Variants in FHIT observed in about 807,000 individuals in gnomAD.
The protein encoded by FHIT is fragile histidine triad diadenosine triphosphatase.
A neutral mutation model predicts 17.9 loss-of-function variants in FHIT; 19 were observed. The observed-to-expected ratio is 1.06, with a 90% CI of 0.74 to 1.56. The LOEUF is 1.56. Among genes scored for constraint, FHIT ranks in the 40% most tolerant of loss-of-function variants. The probability of loss-of-function intolerance (pLI) is 0.00; values close to 1 mark genes in which losing one functional copy is unlikely to be tolerated. For synonymous variants in FHIT, 81 were observed against 69.7 expected, an observed-to-expected ratio of 1.16 and a Z score of -0.81; for missense variants, 248 against 189.2, an observed-to-expected ratio of 1.31 and a Z score of -1.82.
chr3:60,491,659 C>T (rs1327760474), intron 5 of FHIT, among the ~76,000 whole-genome samples: 1 of 152,152 alleles, frequency 6.6e-6, no homozygotes, highest in Non-Finnish European at 1.5e-5. Flanking sequence ...ACATCTACAG[C>T]TGGAGTGCTT....
intron 4 of FHIT, among the ~76,000 whole-genome samples, chr3:60,804,329 G>C (rs1467195740): frequency 6.6e-6 from 1 of 152,078 alleles, no homozygotes; most frequent in Non-Finnish European, 1.5e-5. Context: ...TTGAAACTCC[G>C]CATCTTGCAC....
intron 5 of FHIT, among the ~76,000 whole-genome samples, chr3:60,125,638 A>G (rs1052312457): frequency 6.7e-6 from 1 of 149,518 alleles, no homozygotes; most frequent in Non-Finnish European, 1.5e-5. Context: ...AAAAGTGTAT[A>G]TATACATATG....
At chr3:60,884,491 T>C (rs1370498073) in intron 3 of FHIT, among the ~76,000 whole-genome samples, 1 of 152,090 alleles carries the variant, frequency 6.6e-6, no homozygotes, top group Non-Finnish European at 1.5e-5. Flanking sequence ...GATGAAAAGA[T>C]AAAGAAAATG....
chr3:60,586,376 AAAC>A (rs1390723800), intron 4 of FHIT, among the ~76,000 whole-genome samples: 3 of 152,050 alleles, frequency 2.0e-5, no homozygotes, highest in African/African-American at 7.2e-5. Context: ...TTAGAGATAA[AAAC>A]AACAACAAAA....
chr3:60,172,079 C>T (rs373420647), intron 5 of FHIT, among the ~76,000 whole-genome samples: 2 of 152,080 alleles, frequency 1.3e-5, no homozygotes, highest in East Asian at 1.9e-4. Flanking sequence ...GTAGGGGAGA[C>T]AGGTATTATT....
chr3:61,027,049 T>G (rs948129943), intron 3 of FHIT, among the ~76,000 whole-genome samples: 13 of 152,048 alleles, frequency 8.5e-5, no homozygotes, highest in Non-Finnish European at 1.8e-4. Flanking sequence ...ATAAAAATAT[T>G]TTAAATAAAT....
In FHIT at chr3:59,871,502, A is replaced by G. The variant is rs148741155; in HGVS notation, c.348+50844T>C. Among the ~76,000 whole-genome samples, 405 of 152,108 alleles carry G rather than the reference A, an allele frequency of 2.7e-3. 3 individuals are homozygous for G. The highest frequency in any genetic ancestry group is 9.3e-3 in the African/African-American group (385 of 41,496). ...CCACCACCTCCACCCCATTTTTCAG[A>G]TGAGGATAATGGGGCTTAGAGTATT... On this transcript the variant is annotated intron_variant, in intron 8 of 9. Coordinates refer to ENST00000492590, the MANE Select transcript of FHIT (RefSeq NM_002012.4).
intron 5 of FHIT, among the ~76,000 whole-genome samples, chr3:60,042,934 G>C (rs139476491): frequency 1.3e-5 from 2 of 152,246 alleles, no homozygotes; most frequent in African/African-American, 4.8e-5. Context: ...CTGGCTGTTT[G>C]TTACCTTGAT....
intron 8 of FHIT, among the ~76,000 whole-genome samples, chr3:59,757,088 C>A (rs2106760739): frequency 6.6e-6 from 1 of 152,270 alleles, no homozygotes; most frequent in South Asian, 2.1e-4. Flanking sequence ...ACTCTGCTTG[C>A]TCTGAAAATG....
intron 8 of FHIT, among the ~76,000 whole-genome samples, chr3:59,919,759 G>C (rs1705312748): frequency 6.6e-6 from 1 of 152,274 alleles, no homozygotes; most frequent in East Asian, 1.9e-4. Flanking sequence ...TCTGTTTGTT[G>C]AATGTCCTGA....
intron 5 of FHIT, among the ~76,000 whole-genome samples, chr3:60,242,733 T>C (rs1195887256): frequency 1.3e-5 from 2 of 152,110 alleles, no homozygotes; most frequent in African/African-American, 4.8e-5. Context: ...TTCTTCTCTC[T>C]TTCATTCTTT....
intron 8 of FHIT, among the ~76,000 whole-genome samples, chr3:59,830,384 T>C (rs1039294330): frequency 6.6e-6 from 1 of 152,208 alleles, no homozygotes; most frequent in Non-Finnish European, 1.5e-5. Flanking sequence ...ATGACTTTCA[T>C]TGGAACATTT....
intron 5 of FHIT, among the ~76,000 whole-genome samples, chr3:60,429,077 G>C (rs1057234750): frequency 6.6e-6 from 1 of 151,992 alleles, no homozygotes; most frequent in African/African-American, 2.4e-5. Context: ...CTGAGACCTA[G>C]TTATCTCTTA....
At chr3:60,536,775 G>A in intron 5 of FHIT, 85 bp downstream of exon 5, 2 of 1,401,456 alleles carry the variant, frequency 1.4e-6, no homozygotes. Flanking sequence ...ACAGACTGGA[G>A]GCCAATCTTG....
At chr3:61,032,602 T>G (rs1296814774) in intron 3 of FHIT, among the ~76,000 whole-genome samples, 4 of 152,120 alleles carry the variant, frequency 2.6e-5, no homozygotes, top group African/African-American at 9.7e-5. Flanking sequence ...ATTAAGATAC[T>G]GGAAGTAAGC....
At chr3:60,476,691 CTGACTGAAGTTTGGTTGAT>C (rs2033360832) in intron 5 of FHIT, among the ~76,000 whole-genome samples, 1 of 152,086 alleles carries the variant, frequency 6.6e-6, no homozygotes, top group African/African-American at 2.4e-5. Context: ...CGAGACACAC[CTGACTGAAGTTTGGTTGAT>C]TATTTGGGCA....
chr3:60,625,055 C>T (rs553544678), intron 4 of FHIT, among the ~76,000 whole-genome samples: 1 of 152,244 alleles, frequency 6.6e-6, no homozygotes, highest in Admixed American at 6.5e-5. Context: ...ACTACAGGCA[C>T]ATGCCACCAT....
intron 5 of FHIT, among the ~76,000 whole-genome samples, chr3:60,190,405 G>A (rs1702348780): frequency 6.6e-6 from 1 of 152,072 alleles, no homozygotes; most frequent in South Asian, 2.1e-4. Context: ...AAGAACAAAG[G>A]TGATGTACAC....
intron 5 of FHIT, among the ~76,000 whole-genome samples, chr3:60,101,500 C>T (rs891933472): frequency 6.6e-6 from 1 of 151,974 alleles, no homozygotes; most frequent in African/African-American, 2.4e-5. Flanking sequence ...AAGGTCTCTG[C>T]CTTCCCTCAC....
Sources: gnomAD v4.1 joint callset for allele counts (sites outside exome capture counted in the v4.1 genomes callset) on GRCh38, gnomAD v4.1.1 for gene constraint, MANE v1.5 for transcripts, NCBI Gene and HGNC (gene_info 2026-07-23, HGNC 2026-07-21) for gene names.